The following RSRC2 variants were observed in gnomAD, a reference collection of about 807,000 sequenced individuals.
RSRC2 encodes arginine and serine rich coiled-coil 2.
RSRC2 carries 5 observed loss-of-function variants against 61.3 expected under a neutral mutation model. The ratio of observed to expected loss-of-function variants is 0.08; its 90% CI spans 0.04 to 0.17. The LOEUF (loss-of-function observed/expected upper bound fraction) is 0.17. Among genes scored for constraint, RSRC2 ranks in the 10% least tolerant of loss-of-function variants. The pLI, the probability that RSRC2 is intolerant of heterozygous loss-of-function variation, is 1.00. For synonymous variants in RSRC2, 202 were observed against 166.5 expected (o/e 1.21, Z -1.64); for missense variants, 381 against 518.8 (o/e 0.73, Z 2.58).
At chr12:122,515,277 T>A in intron 5 of RSRC2, 50 bp from the exon 6 acceptor site, 1 of 1,564,862 alleles carries the variant, frequency 6.4e-7, no homozygotes, top group African/African-American at 1.4e-5. Context: ...GTCATAACTA[T>A]TTTGTTAATA....
intron 1 of RSRC2, among the ~76,000 whole-genome samples, chr12:122,524,513 G>A (rs1959765143): frequency 6.6e-6 from 1 of 152,196 alleles, no homozygotes; most frequent in African/African-American, 2.4e-5. Context: ...GCAGTTTTCA[G>A]GCAATGGTTT....
intron 3 of RSRC2, 36 bp downstream of exon 3, chr12:122,521,348 AT>A (rs1959203691): frequency 6.7e-7 from 1 of 1,499,716 alleles, no homozygotes; most frequent in Non-Finnish European, 9.3e-7. Context: ...CTTTATAAGT[AT>A]TTTAAAGTAC....
intron 6 of RSRC2, among the ~76,000 whole-genome samples, chr12:122,511,962 A>C (rs1330015876): frequency 6.6e-6 from 1 of 152,126 alleles, no homozygotes; most frequent in Non-Finnish European, 1.5e-5. Context: ...ACACACCACC[A>C]TGCCCAGCTA....
rs572177751 is a variant in RSRC2 at position 122,514,172 on chromosome 12, T to C, written c.725+933A>G. On this transcript the variant is annotated intron_variant, in intron 6 of 9. Transcript: ENST00000331738. ...CTCTATGAGGCAGTTCTTTGAATAG[T>C]TTTGCAGATTTCAATATATAGTCGT... Among the ~76,000 whole-genome samples, 39 of 152,288 alleles carry C rather than the reference T, an allele frequency of 2.6e-4. 1 individual carries two copies. The highest frequency in any genetic ancestry group is 2.2e-3 in the Admixed American group (34 of 15,288).
At chr12:122,511,295 T>A (rs1958490339) in intron 6 of RSRC2, 107 bp from the exon 7 acceptor site, 1 of 760,880 alleles carries the variant, frequency 1.3e-6, no homozygotes, top group Non-Finnish European at 2.0e-6. Flanking sequence ...CATAAAATTT[T>A]AAATTTTTAG....
intron 2 of RSRC2, 117 bp from the exon 3 acceptor site, chr12:122,521,545 T>C: frequency 2.5e-6 from 2 of 803,574 alleles, no homozygotes; most frequent in Non-Finnish European, 4.2e-6. Flanking sequence ...AATGACTAAT[T>C]TTTTCATGGC....
intron 6 of RSRC2, among the ~76,000 whole-genome samples, chr12:122,511,618 C>T (rs574850647): frequency 6.6e-6 from 1 of 152,076 alleles, no homozygotes; most frequent in Non-Finnish European, 1.5e-5. Flanking sequence ...ATTGTACAGA[C>T]CTTAGTAAAG....
At chr12:122,514,900 C>G in intron 6 of RSRC2, 2 of 686,476 alleles carry the variant, frequency 2.9e-6, no homozygotes, top group Non-Finnish European at 4.4e-6. Context: ...AAGGAAAAAA[C>G]AGAAATTGTA....
intron 8 of RSRC2, 177 bp downstream of exon 8, chr12:122,508,041 T>C (rs1479267556): frequency 1.5e-6 from 1 of 670,680 alleles, no homozygotes; most frequent in African/African-American, 1.8e-5. Context: ...TTACCTCAAC[T>C]GATCCGCTCA....
chr12:122,520,697 G>T, intron 3 of RSRC2: 1 of 596,996 alleles, frequency 1.7e-6, no homozygotes, highest in Non-Finnish European at 2.7e-6. Context: ...AAGAGGTGAA[G>T]TCCCTGCCCA....
intron 7 of RSRC2, among the ~76,000 whole-genome samples, chr12:122,510,081 C>T (rs1260312008): frequency 1.3e-5 from 2 of 152,160 alleles, no homozygotes; most frequent in Non-Finnish European, 2.9e-5. Context: ...CTTGGCCTCC[C>T]AAAGTGCTGG....
chr12:122,522,288 T>A lies in RSRC2; in HGVS notation c.18A>T (p.Thr6=), dbSNP rs760003716. 11 of 1,594,424 alleles carry A rather than the reference T, an allele frequency of 6.9e-6. No homozygotes were observed. The Admixed American group carries it at 1.6e-4, about 24-fold the overall frequency. MAASD[T]ERDGLAPEKT... Reference sequence around the variant, plus strand: ...TTTCTGGGGCTAGTCCATCTCGCTCTGTATCACTAGCCTAAAAGTTTAAAA... The same window carrying A: ...TTTCTGGGGCTAGTCCATCTCGCTCAGTATCACTAGCCTAAAAGTTTAAAA... Residue 6 remains threonine (T), a synonymous_variant, in exon 2 of 10, where the codon ACA becomes ACT. Transcript: ENST00000331738.
intron 6 of RSRC2, among the ~76,000 whole-genome samples, chr12:122,514,393 T>G (rs954793582): frequency 6.6e-6 from 1 of 151,202 alleles, no homozygotes; most frequent in African/African-American, 2.4e-5. Flanking sequence ...GCCTCCAGAG[T>G]AGCTGGGATT....
intron 1 of RSRC2, chr12:122,523,537 A>C (rs1959562412): frequency 6.6e-6 from 1 of 152,314 alleles, no homozygotes; most frequent in African/African-American, 2.4e-5. Flanking sequence ...AAAGCCAAAA[A>C]TATTTACCGT....
At chr12:122,514,749 A>G in intron 6 of RSRC2, 1 of 1,138,320 alleles carries the variant, frequency 8.8e-7, no homozygotes, top group African/African-American at 1.6e-5. Flanking sequence ...GAGAAAAACA[A>G]AAAGTAAAGG....
chr12:122,521,805 A>G (rs1187828862), intron 2 of RSRC2, among the ~76,000 whole-genome samples: 1 of 152,248 alleles, frequency 6.6e-6, no homozygotes, highest in African/African-American at 2.4e-5. Context: ...ATTATATTTG[A>G]TATGTTCCAA....
intron 7 of RSRC2, among the ~76,000 whole-genome samples, chr12:122,509,388 T>G (rs1475200593): frequency 1.3e-5 from 2 of 151,486 alleles, no homozygotes; most frequent in African/African-American, 4.9e-5. Context: ...AGGTGGAGGT[T>G]GTTGTGAGTC....
At position 122,517,252 on chromosome 12, in the gene RSRC2, T is replaced by C. The variant is rs773232670; in HGVS notation, c.577A>G (p.Arg193Gly). ...RSRHRHRTRS[R>G]SRTRSRSRDR... ...CGACTCCTACTCCTTGTCCTACTCC[T>C]GCTTCTAGTCCTATGCCTGTGTCTT... The change falls in exon 5 of 10, where the codon AGG becomes GGG. Residue 193 changes from arginine (R) to glycine (G), a missense_variant. Arg to Gly is a moderately radical substitution (Grantham distance 125). Transcript: ENST00000331738. 4 of 1,614,186 alleles carry C rather than the reference T, an allele frequency of 2.5e-6. No homozygotes were observed. The highest frequency in any genetic ancestry group is 1.1e-5 in the South Asian group (1 of 91,080).
intron 4 of RSRC2, 114 bp from the exon 5 acceptor site, chr12:122,517,544 T>C (rs1452541976): frequency 2.5e-6 from 3 of 1,203,016 alleles, no homozygotes; most frequent in African/African-American, 1.5e-5. Context: ...GTAACTGCAC[T>C]ATATTATTTA....
Sources: gnomAD v4.1 joint callset for allele counts (sites outside exome capture counted in the v4.1 genomes callset) on GRCh38, gnomAD v4.1.1 for gene constraint, MANE v1.5 for transcripts, NCBI Gene and HGNC (gene_info 2026-07-23, HGNC 2026-07-21) for gene names.